IMPG2: variants seen among roughly 807,000 people sequenced by gnomAD.
The protein encoded by IMPG2 is interphotoreceptor matrix proteoglycan 2.
IMPG2 carries 91 observed loss-of-function variants against 129.2 expected under a neutral mutation model. That is an observed-to-expected ratio of 0.70 (90% confidence interval 0.59 to 0.84). The LOEUF (loss-of-function observed/expected upper bound fraction) is 0.84. Ranked by LOEUF, IMPG2 falls within the 40% of genes least tolerant of loss-of-function variation. IMPG2 has a pLI of 0.00. For synonymous variants in IMPG2, 510 were observed against 517.7 expected, an observed-to-expected ratio of 0.99 and a Z score of 0.20; for missense variants, 1,430 against 1,461.7, an observed-to-expected ratio of 0.98 and a Z score of 0.35.
chr3:101,256,209 GAAAGAAAGAAAA>G (rs1426098656), intron 10 of IMPG2, among the ~76,000 whole-genome samples: 2 of 143,850 alleles, frequency 1.4e-5, no homozygotes, highest in Admixed American at 6.8e-5. Flanking sequence ...AAGAAAGAAA[GAAAGAAAGAAAA>G]AAATATCTTA....
At chr3:101,280,471 T>C (rs936522388) in intron 4 of IMPG2, among the ~76,000 whole-genome samples, 19 of 152,192 alleles carry the variant, frequency 1.2e-4, no homozygotes, top group African/African-American at 4.6e-4. Context: ...CTCAAAAACT[T>C]ACCCTTTAAA....
In IMPG2 at chr3:101,224,164, A is replaced by G. The variant is rs1706196198; in HGVS notation, c.*2805T>C. The G allele has an allele frequency of 6.6e-6, 1 of 152,116 alleles. No individual in the cohort carries two copies. Among genetic ancestry groups the G allele is most frequent in the Admixed American group, 6.5e-5 (1 of 15,268 alleles). The allele number at this position is 152,116 out of a possible 1,614,324, so 9.4% of individuals were successfully genotyped here. On this transcript the variant is annotated 3_prime_UTR_variant, in exon 19 of 19. Coordinates refer to ENST00000193391, the MANE Select transcript of IMPG2 (RefSeq NM_016247.4). Reference sequence around the variant, plus strand: ...CATCTCAAATAATAATAGTGATAAAAATGGGACTTCAGGCCACATAAACGT... The same window carrying G: ...CATCTCAAATAATAATAGTGATAAAGATGGGACTTCAGGCCACATAAACGT...
chr3:101,273,884 C>A lies in IMPG2; in HGVS notation c.667-142G>T, dbSNP rs1260071837. ...TATTATTTCGTATTTGACTTTGGAA[C>A]AAATTGGGTAGACTTTAAGACACAG... On this transcript the variant is annotated intron_variant, in intron 6 of 18. Transcript: ENST00000193391. The A allele has an allele frequency of 2.1e-5, 18 of 845,600 alleles. No homozygotes were observed. In the East Asian group the frequency reaches 2.7e-4, roughly 13 times the overall value. The allele number at this position is 845,600 out of a possible 1,614,324, so 52.4% of individuals were successfully genotyped here.
At chr3:101,264,127 G>C (rs568132096) in intron 9 of IMPG2, among the ~76,000 whole-genome samples, 1 of 152,118 alleles carries the variant, frequency 6.6e-6, no homozygotes, top group South Asian at 2.1e-4. Flanking sequence ...GGACTGGATT[G>C]CTTCACCACT....
Position 101,232,795 on chromosome 3 carries a change from G to GT in IMPG2, c.3218dup (p.His1073GlnfsTer6). The GT allele has an allele frequency of 6.2e-7, 1 of 1,613,362 alleles. No individual in the cohort carries two copies. ...CTACAACATACCTACAAATGGCCCC[G>GT]TGCCCAGGCATAATGTCACACTTTC... On this transcript the variant is annotated frameshift_variant, in exon 15 of 19. Coordinates refer to ENST00000193391, the MANE Select transcript of IMPG2 (RefSeq NM_016247.4). LOFTEE classifies it high-confidence loss of function.
chr3:101,304,935 G>A (rs1230345967), intron 2 of IMPG2, among the ~76,000 whole-genome samples: 17 of 150,698 alleles, frequency 1.1e-4, no homozygotes, highest in Non-Finnish European at 2.5e-4. Flanking sequence ...TCAAGTAGAA[G>A]ATATCCACCT....
At chr3:101,293,399 A>T (rs997187261) in intron 3 of IMPG2, among the ~76,000 whole-genome samples, 12 of 151,970 alleles carry the variant, frequency 7.9e-5, no homozygotes, top group South Asian at 4.1e-4. Flanking sequence ...GAAAAAAAAA[A>T]TTTTCTGAGC....
At chr3:101,229,016 T>G (rs896415733) in intron 17 of IMPG2, 140 bp from the exon 18 acceptor site, 8 of 683,080 alleles carry the variant, frequency 1.2e-5, no homozygotes, top group Admixed American at 9.5e-5. Flanking sequence ...AGTGCAGGAG[T>G]GTGCACTTTC....
Position 101,244,097 on chromosome 3 carries a change from TC to T in IMPG2, c.2233del (p.Glu745ArgfsTer22), listed in dbSNP as rs1197126131. 1.2e-6 allele frequency: 2 copies of T among 1,614,032 alleles called. No individual in the cohort carries two copies. The highest frequency in any genetic ancestry group is 1.7e-5 in the Admixed American group (1 of 60,020). ...KSDQADAILREDMEQITESSN... is the reference protein window; with the variant it reads ...KSDQADAILRXDMEQITESSN... ...TGACTCAGTAATTTGTTCCATATCC[TC>T]CCTTAGGATGGCATCTGCCTGATCT... On this transcript the variant is annotated frameshift_variant, in exon 13 of 19. Transcript: ENST00000193391. LOFTEE classifies it high-confidence loss of function.
intron 13 of IMPG2, among the ~76,000 whole-genome samples, 191 bp from the exon 14 acceptor site, chr3:101,243,098 C>A (rs1706428417): frequency 6.6e-6 from 1 of 152,034 alleles, no homozygotes; most frequent in African/African-American, 2.4e-5. Flanking sequence ...ACTAGAAATG[C>A]TATAAGATTT....
intron 4 of IMPG2, among the ~76,000 whole-genome samples, chr3:101,286,610 G>C (rs1706948121): frequency 6.6e-6 from 1 of 152,140 alleles, no homozygotes; most frequent in African/African-American, 2.4e-5. Flanking sequence ...AACATTTGTA[G>C]ATATATGTAC....
At chr3:101,269,493 A>T (rs375409188) in intron 8 of IMPG2, 22 bp downstream of exon 8, 26 of 1,347,540 alleles carry the variant, frequency 1.9e-5, no homozygotes, top group Non-Finnish European at 2.8e-5. Flanking sequence ...GAAAATGTGC[A>T]TATTTAGATA....
chr3:101,270,052 T>G (rs1706764828), intron 7 of IMPG2, among the ~76,000 whole-genome samples: 1 of 148,926 alleles, frequency 6.7e-6, no homozygotes, highest in Middle Eastern at 3.4e-3. Context: ...TGCCTCAGCC[T>G]CCTGAGCAGC....
intron 11 of IMPG2, 28 bp downstream of exon 11, chr3:101,253,668 G>A (rs1706567903): frequency 1.3e-6 from 2 of 1,506,306 alleles, no homozygotes; most frequent in East Asian, 4.5e-5. Flanking sequence ...TTGAGGGCCT[G>A]GTTCTAGCAT....
chr3:101,292,835 C>T (rs976172217), intron 3 of IMPG2, among the ~76,000 whole-genome samples: 18 of 152,306 alleles, frequency 1.2e-4, no homozygotes, highest in African/African-American at 4.3e-4. Flanking sequence ...CAATACTGTT[C>T]ACAGCATCTT....
chr3:101,303,558 T>C (rs1707159787), intron 3 of IMPG2, among the ~76,000 whole-genome samples: 2 of 152,190 alleles, frequency 1.3e-5, no homozygotes, highest in African/African-American at 4.8e-5. Context: ...TTCACTTTCT[T>C]GTCATGAATA....
At chr3:101,286,792 G>T (rs1468381941) in intron 4 of IMPG2, among the ~76,000 whole-genome samples, 3 of 152,152 alleles carry the variant, frequency 2.0e-5, no homozygotes, top group Admixed American at 2.0e-4. Flanking sequence ...GAAGGTGTTT[G>T]TTTCCAGCTG....
In IMPG2 at chr3:101,226,828, A is replaced by AG. The variant is rs3215287; in HGVS notation, c.*140_*141insC. The AG allele has an allele frequency of 3.7e-6, 3 of 808,076 alleles. No individual in the cohort carries two copies. Among genetic ancestry groups the AG allele is most frequent in the Non-Finnish European group, 6.1e-6 (3 of 493,798 alleles). 50.1% of individuals were successfully genotyped at this position (808,076 alleles called of 1,614,324 possible). ...TCTGAAAACTTAAGCTGAAAAAAAA[A>AG]CAGTGTGCCCTATATTTAATTTTTT... On this transcript the variant is annotated 3_prime_UTR_variant, in exon 19 of 19. Coordinates refer to ENST00000193391, the MANE Select transcript of IMPG2 (RefSeq NM_016247.4).
intron 2 of IMPG2, among the ~76,000 whole-genome samples, chr3:101,308,416 C>T (rs931563101): frequency 6.6e-6 from 1 of 152,270 alleles, no homozygotes; most frequent in African/African-American, 2.4e-5. Context: ...TGAAGGTTCT[C>T]ATACCTCAAT....
Sources: allele counts gnomAD v4.1 joint callset (sites outside exome capture counted in the v4.1 genomes callset), GRCh38; gene constraint gnomAD v4.1.1; transcripts MANE v1.5; gene names NCBI Gene and HGNC (gene_info 2026-07-23, HGNC 2026-07-21).